Variants in SORBS3 observed in about 807,000 individuals in gnomAD.
The protein encoded by SORBS3 is vinexin.
In SORBS3, 69 loss-of-function variants were observed where a neutral mutation model predicts 98.0. The observed-to-expected ratio is 0.70, with a 90% CI of 0.58 to 0.86. The LOEUF is 0.86. Among genes scored for constraint, SORBS3 ranks in the 40% least tolerant of loss-of-function variants. The probability of loss-of-function intolerance (pLI) is 0.00; values close to 1 mark genes in which losing one functional copy is unlikely to be tolerated. For synonymous variants in SORBS3, 394 were observed against 355.4 expected (o/e 1.11, Z -1.22); for missense variants, 954 against 908.5 (o/e 1.05, Z -0.64).
chr8:22,554,836 G>A lies in SORBS3; in HGVS notation c.103-27G>A, dbSNP rs748365227. 7.1e-5 allele frequency: 107 copies of A among 1,499,962 alleles called. No homozygotes were observed. Among genetic ancestry groups the A allele is most frequent in the Non-Finnish European group, 9.6e-5 (103 of 1,078,456 alleles). The allele number at this position is 1,499,962 out of a possible 1,614,324, so 92.9% of individuals were successfully genotyped here. ...TCCCTCCCGCCCTGCTGGGCCCTGA[G>A]CTGCCGCTCCTGGCCCCTCCCCGCA... On this transcript the variant is annotated intron_variant, in intron 2 of 20. Transcript: ENST00000240123. This position sits in a 1 kb window ranked among gnomAD's most constrained non-coding sequence, Gnocchi z 6.5.
chr8:22,554,274 C>G lies in SORBS3; in HGVS notation c.-55-178C>G. On this transcript the variant is annotated intron_variant, in intron 1 of 20. Coordinates refer to ENST00000240123, the MANE Select transcript of SORBS3 (RefSeq NM_005775.5). The surrounding 1 kb of genome is among the most constrained non-coding windows in gnomAD (Gnocchi z 6.5). Reference sequence around the variant, plus strand: ...TTGTGCCCCTGGGAGCCGGCAGGCACGGGCAGCCTGCAGGCGGGTGCCTGG... The same window carrying G: ...TTGTGCCCCTGGGAGCCGGCAGGCAGGGGCAGCCTGCAGGCGGGTGCCTGG... 1.9e-6 allele frequency: 1 copy of G among 530,890 alleles called. No individual in the cohort carries two copies. The highest frequency in any genetic ancestry group is 3.1e-6 in the Non-Finnish European group (1 of 318,064). The allele number at this position is 530,890 out of a possible 1,614,324, so 32.9% of individuals were successfully genotyped here.
chr8:22,554,648 G>A lies in SORBS3; in HGVS notation c.102+40G>A, dbSNP rs547500889. The A allele has an allele frequency of 3.5e-5, 55 of 1,572,294 alleles. 1 individual carries two copies. Among genetic ancestry groups the A allele is most frequent in the South Asian group, 3.4e-4 (29 of 86,300 alleles). On this transcript the variant is annotated intron_variant, in intron 2 of 20. Coordinates refer to ENST00000240123, the MANE Select transcript of SORBS3 (RefSeq NM_005775.5). This position sits in a 1 kb window ranked among gnomAD's most constrained non-coding sequence, Gnocchi z 6.5. ...AGGGAGGAGGGTGTCCTGCGGGCCCGGAGTTGGTTGGGACGCTAGCAGGTC... is the reference window on the plus strand; with the variant it reads ...AGGGAGGAGGGTGTCCTGCGGGCCCAGAGTTGGTTGGGACGCTAGCAGGTC...
intron 6 of SORBS3, 88 bp downstream of exon 6, chr8:22,561,461 T>C: frequency 6.9e-7 from 1 of 1,457,030 alleles, no homozygotes; most frequent in Non-Finnish European, 9.6e-7. Context: ...CCCGCCTGGC[T>C]TTGGGGCTCT....
chr8:22,552,045 G>A (rs904252184), intron 1 of SORBS3, 23 bp downstream of exon 1: 2 of 985,416 alleles, frequency 2.0e-6, no homozygotes, highest in African/African-American at 1.7e-5. Context: ...AAGGAGGGGC[G>A]GGGAGTAGGC....
rs140286650 is a variant in SORBS3, at chr8:22,556,903, C to T, written c.409C>T (p.Arg137Ter). 152 of 1,612,512 alleles carry T rather than the reference C, an allele frequency of 9.4e-5. No homozygotes were observed. Among genetic ancestry groups the T allele is most frequent in the Non-Finnish European group, 1.2e-4 (143 of 1,180,028 alleles). Residue 137 changes from arginine (R) to a stop codon, truncating the protein, a stop_gained, in exon 4 of 21, where the codon CGA becomes TGA. Coordinates refer to ENST00000240123, the MANE Select transcript of SORBS3 (RefSeq NM_005775.5). LOFTEE classifies it high-confidence loss of function. ...VDESGMPIAPRSSVDRPRDWY... is the reference protein window; with the variant it reads ...VDESGMPIAP ...CGAGAGCGGCATGCCCATTGCCCCC[C>T]GATCCGTGAGTCCAGGGCTGGGGGC...
At chr8:22,571,923 A>G in intron 19 of SORBS3, 102 bp downstream of exon 19, 1 of 850,746 alleles carries the variant, frequency 1.2e-6, no homozygotes, top group Non-Finnish European at 2.0e-6. Context: ...TGGATTTGGG[A>G]AACTTCTACC....
chr8:22,547,656 G>A (rs540513125), upstream of SORBS3, among the ~76,000 whole-genome samples: 1 of 152,204 alleles, frequency 6.6e-6, no homozygotes, highest in South Asian at 2.1e-4. Flanking sequence ...GACTTGGCTT[G>A]GTTTTCCCTC....
chr8:22,557,437 T>C (rs1328553786), intron 4 of SORBS3, among the ~76,000 whole-genome samples: 1 of 152,186 alleles, frequency 6.6e-6, no homozygotes, highest in Non-Finnish European at 1.5e-5. Flanking sequence ...TAACATTCCC[T>C]TCCTGTTTTG....
chr8:22,558,311 C>T, intron 5 of SORBS3, 119 bp downstream of exon 5: 3 of 945,362 alleles, frequency 3.2e-6, no homozygotes, highest in Non-Finnish European at 5.1e-6. Flanking sequence ...CACCTTCTCC[C>T]AGGCTCTAAT....
chr8:22,563,098 GA>G (rs1840329914), intron 7 of SORBS3, among the ~76,000 whole-genome samples: 1 of 151,378 alleles, frequency 6.6e-6, no homozygotes, highest in African/African-American at 2.4e-5. Flanking sequence ...CAGCCTGGGC[GA>G]CAGAGCGAGA....
chr8:22,561,033 G>A (rs2117242201), intron 5 of SORBS3: 1 of 344,650 alleles, frequency 2.9e-6, no homozygotes, highest in East Asian at 4.4e-5. Context: ...CCTGAGTGGT[G>A]AGGGCAAGTC....
At chr8:22,552,555 CAGA>C (rs1840102562) in intron 1 of SORBS3, among the ~76,000 whole-genome samples, 1 of 152,176 alleles carries the variant, frequency 6.6e-6, no homozygotes, top group Non-Finnish European at 1.5e-5. Flanking sequence ...TGAGAAGGGG[CAGA>C]TGGGGGCACC....
chr8:22,555,100 G>A lies in SORBS3; in HGVS notation c.220+120G>A, dbSNP rs541527612. On this transcript the variant is annotated intron_variant, in intron 3 of 20. Transcript: ENST00000240123. ...GATGGGGTTCTCAAGGCCATGAGGA[G>A]GTTCCTCAGAGGCCTCTGGGCTCAC... 2.6e-5 allele frequency: 22 copies of A among 851,322 alleles called. 1 individual carries two copies. Among genetic ancestry groups the A allele is most frequent in the African/African-American group, 2.5e-4 (15 of 59,460 alleles). 52.7% of individuals were successfully genotyped at this position (851,322 alleles called of 1,614,324 possible).
chr8:22,550,305 C>T (rs1840061671), upstream of SORBS3, among the ~76,000 whole-genome samples: 2 of 152,220 alleles, frequency 1.3e-5, no homozygotes, highest in Admixed American at 6.5e-5. Context: ...TCAAGGTCAT[C>T]TTGTTCAGCT....
In SORBS3 at chr8:22,561,342, G is replaced by A. The variant is rs114930131; in HGVS notation, c.486G>A (p.Gln162=). ...TCCCTTCTGCTCCTGCAGACTTGCA[G>A]CTGGACTGGACCTTCGAGGAGCCAC... is the stretch of plus-strand genomic sequence containing the variant. ...QQIHRKMPDL[Q]LDWTFEEPPR... The change falls in exon 6 of 21, where the codon CAG becomes CAA. Residue 162 remains glutamine (Q), a synonymous_variant. Transcript: ENST00000240123. The A allele has an allele frequency of 1.7e-5, 28 of 1,603,378 alleles. No homozygotes were observed. The East Asian group carries it at 4.0e-4, about 23-fold the overall frequency.
rs1272491697 is a variant in SORBS3 at position 22,565,861 on chromosome 8, GC to G, written c.944del (p.Pro315ArgfsTer24). 1.1e-5 allele frequency: 14 copies of G among 1,272,432 alleles called. No individual in the cohort carries two copies. Among genetic ancestry groups the G allele is most frequent in the Non-Finnish European group, 1.1e-5 (11 of 1,009,392 alleles). 78.8% of individuals were successfully genotyped at this position (1,272,432 alleles called of 1,614,324 possible). A position where few individuals can be genotyped will look rare whatever the true frequency, so the allele number is the denominator to read the frequency against. ...PAPRRAPEQR[P>X]PAGPASAWSS... ...CGCCCCGACGGGCCCCGGAGCAGCG[GC>G]CCCCGGCCGGGTGAGTGGGAGACGC... On this transcript the variant is annotated frameshift_variant, in exon 12 of 21. Transcript: ENST00000240123. LOFTEE classifies it high-confidence loss of function.
chr8:22,569,823 C>T (rs938929362), intron 17 of SORBS3, among the ~76,000 whole-genome samples: 1 of 152,128 alleles, frequency 6.6e-6, no homozygotes, highest in Admixed American at 6.5e-5. Flanking sequence ...TCCCCTGTCC[C>T]TGCCCCAGCC....
chr8:22,561,407 C>G (rs947356126), intron 6 of SORBS3, 34 bp downstream of exon 6: 16 of 1,612,116 alleles, frequency 9.9e-6, no homozygotes, highest in Non-Finnish European at 1.4e-5. Flanking sequence ...CCTGCCATAG[C>G]CCTGCGCCTG....
intron 20 of SORBS3, among the ~76,000 whole-genome samples, chr8:22,573,917 C>T (rs1470196670): frequency 6.6e-6 from 1 of 152,182 alleles, no homozygotes; most frequent in Non-Finnish European, 1.5e-5. Context: ...CAGGTGTGAG[C>T]CCTGGTCCTT....
Sources: gnomAD v4.1 joint callset for allele counts (sites outside exome capture counted in the v4.1 genomes callset) on GRCh38, gnomAD v4.1.1 for gene constraint, Gnocchi (gnomAD v3.1) non-coding constraint, MANE v1.5 for transcripts, NCBI Gene and HGNC (gene_info 2026-07-23, HGNC 2026-07-21) for gene names.